RAB3D: variants seen among roughly 807,000 people sequenced by gnomAD.
RAB3D encodes the protein RAB3D, member RAS oncogene family, also known as ras-related protein Rab-3D.
Under a neutral mutation model 19.3 loss-of-function variants are expected in RAB3D, and 17 were observed. The ratio of observed to expected loss-of-function variants is 0.88; its 90% CI spans 0.60 to 1.32. The LOEUF (loss-of-function observed/expected upper bound fraction) is 1.32. RAB3D is among the 40% of genes most tolerant of loss of function. The pLI is 0.00. For synonymous variants in RAB3D, 103 were observed against 119.9 expected, an observed-to-expected ratio of 0.86 and a Z score of 0.92; for missense variants, 223 against 299.1, an observed-to-expected ratio of 0.75 and a Z score of 1.88.
intron 2 of RAB3D, among the ~76,000 whole-genome samples, 179 bp from the exon 3 acceptor site, chr19:11,335,962 T>C (rs1966892255): frequency 6.6e-6 from 1 of 152,180 alleles, no homozygotes; most frequent in Non-Finnish European, 1.5e-5. Context: ...CCCAGTCTGA[T>C]GGGGGAGGCA....
chr19:11,337,246 C>G lies in RAB3D; in HGVS notation c.154G>C (p.Val52Leu). The G allele has an allele frequency of 6.2e-7, 1 of 1,614,074 alleles. No individual in the cohort carries two copies. Among genetic ancestry groups the G allele is most frequent in the Non-Finnish European group, 8.5e-7 (1 of 1,180,022 alleles). Reference sequence around the variant, plus strand: ...TTGAAATCGATGCCCACAGTACTGACGAAGGCGGGAGTGAAGGAGTCGTCC... The same window carrying G: ...TTGAAATCGATGCCCACAGTACTGAGGAAGGCGGGAGTGAAGGAGTCGTCC... ...YADDSFTPAF[V>L]STVGIDFKVK... The change falls in exon 2 of 5, where the codon GTC becomes CTC. Residue 52 changes from valine (V) to leucine (L), a missense_variant. Val to Leu is a conservative substitution (Grantham distance 32, BLOSUM62 1). Transcript: ENST00000222120.
rs145958698 is a variant in RAB3D at position 11,335,467 on chromosome 19, C to T, written c.452G>A (p.Arg151Gln). ...CTAACCAAGGTCGTCGGCGAGCCTCCGGCCATCCTCAGCAGGCACAACACG... is the reference window on the plus strand; with the variant it reads ...CTAACCAAGGTCGTCGGCGAGCCTCTGGCCATCCTCAGCAGGCACAACACG... Reference protein sequence around the residue: ...DERVVPAEDGRRLADDLGFEF... With the variant: ...DERVVPAEDGQRLADDLGFEF... The change falls in exon 4 of 5, where the codon CGG becomes CAG. Residue 151 changes from arginine to glutamine, a missense_variant. Coordinates refer to ENST00000222120, the MANE Select transcript of RAB3D (RefSeq NM_004283.4). 1.0e-4 allele frequency: 168 copies of T among 1,614,164 alleles called. No homozygotes were observed. The highest frequency in any genetic ancestry group is 1.0e-3 in the African/African-American group (77 of 75,038).
Position 11,325,023 on chromosome 19 carries a change from C to A in RAB3D, c.*375G>T. ...CTTGGGAATATCAGTCCTGCCCAACCCAGAAGAGACCTGGAAAATGGTTCT... is the reference window on the plus strand; with the variant it reads ...CTTGGGAATATCAGTCCTGCCCAACACAGAAGAGACCTGGAAAATGGTTCT... On this transcript the variant is annotated 3_prime_UTR_variant, in exon 5 of 5. Transcript: ENST00000222120. 2 of 186,386 alleles carry A rather than the reference C, an allele frequency of 1.1e-5. No individual in the cohort carries two copies. The highest frequency in any genetic ancestry group is 2.3e-5 in the Non-Finnish European group (2 of 87,438). The allele number at this position is 186,386 out of a possible 1,614,324, so 11.5% of individuals were successfully genotyped here.
At chr19:11,329,681 C>T (rs1246168635) in intron 4 of RAB3D, among the ~76,000 whole-genome samples, 1 of 151,710 alleles carries the variant, frequency 6.6e-6, no homozygotes, top group African/African-American at 2.4e-5. Flanking sequence ...GTATGCCAAT[C>T]TTCTTTTTGT....
intron 3 of RAB3D, 31 bp from the exon 4 acceptor site, chr19:11,335,602 CG>C (rs771250514): frequency 7.4e-6 from 12 of 1,613,374 alleles, no homozygotes; most frequent in African/African-American, 1.3e-5. Flanking sequence ...AGCCATGAGC[CG>C]GGGGGGTTAG....
chr19:11,337,524 A>C, intron 1 of RAB3D, 64 bp from the exon 2 acceptor site: 3 of 762,728 alleles, frequency 3.9e-6, no homozygotes, highest in East Asian at 2.6e-5. Flanking sequence ...TTCAAATCTC[A>C]GCTCGGTCAC....
chr19:11,330,314 T>C (rs1332420397), intron 4 of RAB3D, among the ~76,000 whole-genome samples: 2 of 152,228 alleles, frequency 1.3e-5, no homozygotes, highest in African/African-American at 4.8e-5. Context: ...AATTACTCAA[T>C]TTCACGCTTG....
intron 1 of RAB3D, among the ~76,000 whole-genome samples, chr19:11,338,024 T>C (rs1285264524): frequency 2.0e-5 from 3 of 152,162 alleles, no homozygotes; most frequent in Non-Finnish European, 4.4e-5. Context: ...TGCCGGGCCC[T>C]GTTCTCTGTG....
chr19:11,328,725 G>C (rs2080825190), intron 4 of RAB3D, among the ~76,000 whole-genome samples: 1 of 151,888 alleles, frequency 6.6e-6, no homozygotes, highest in Non-Finnish European at 1.5e-5. Flanking sequence ...GCTGAGGTGG[G>C]AGGATGACCT....
At position 11,335,490 on chromosome 19, in the gene RAB3D, A is replaced by G. The variant is rs2080849217; in HGVS notation, c.429T>C (p.Arg143=). ...TCCGGCCATCCTCAGCAGGCACAAC[A>G]CGTTCGTCCTCCAGGTCACACTTGT... is the stretch of plus-strand genomic sequence containing the variant. ...VGNKCDLEDE[R]VVPAEDGRRL... Residue 143 remains arginine, a synonymous_variant, in exon 4 of 5, where the codon CGT becomes CGC. Coordinates refer to ENST00000222120, the MANE Select transcript of RAB3D (RefSeq NM_004283.4). 1 of 1,614,066 alleles carries G rather than the reference A, an allele frequency of 6.2e-7. No homozygotes were observed. The highest frequency in any genetic ancestry group is 1.3e-5 in the African/African-American group (1 of 74,922).
chr19:11,328,333 C>CAAAA (rs71164187), intron 4 of RAB3D, among the ~76,000 whole-genome samples: 20 of 57,806 alleles, frequency 3.5e-4, no homozygotes, highest in South Asian at 2.2e-3. Context: ...GATATTATCT[C>CAAAA]AAAAAAAAAA....
chr19:11,334,477 A>C (rs372679200), intron 4 of RAB3D, among the ~76,000 whole-genome samples: 7 of 151,934 alleles, frequency 4.6e-5, no homozygotes, highest in Admixed American at 1.3e-4. Context: ...TCAAACAAAA[A>C]CAAAAACAAA....
At chr19:11,327,370 G>T (rs567034524) in intron 4 of RAB3D, among the ~76,000 whole-genome samples, 24 of 152,088 alleles carry the variant, frequency 1.6e-4, no homozygotes, top group Admixed American at 1.6e-3. Context: ...TTATCCACGC[G>T]TGGCTTTGCC....
chr19:11,325,115 C>T lies in RAB3D; in HGVS notation c.*283G>A. The T allele has an allele frequency of 2.9e-6, 1 of 342,988 alleles. No homozygotes were observed. The highest frequency in any genetic ancestry group is 5.5e-5 in the East Asian group (1 of 18,020). 21.2% of individuals were successfully genotyped at this position (342,988 alleles called of 1,614,324 possible). A position where few individuals can be genotyped will look rare whatever the true frequency, so the allele number is the denominator to read the frequency against. ...GGGACGTGTCACCCATGGCCACCCT[C>T]AACACACCCTGGAAAGCAGCAAGCT... On this transcript the variant is annotated 3_prime_UTR_variant, in exon 5 of 5. Coordinates refer to ENST00000222120, the MANE Select transcript of RAB3D (RefSeq NM_004283.4).
chr19:11,339,107 C>CA (rs1485965548), intron 1 of RAB3D, among the ~76,000 whole-genome samples: 2 of 152,228 alleles, frequency 1.3e-5, no homozygotes, highest in Non-Finnish European at 2.9e-5. Flanking sequence ...TTTCCCCACG[C>CA]AGGGCAGGGC....
Position 11,325,274 on chromosome 19 carries a change from T to G in RAB3D, c.*124A>C. 3 of 643,890 alleles carry G rather than the reference T, an allele frequency of 4.7e-6. No individual in the cohort carries two copies. Among genetic ancestry groups the G allele is most frequent in the East Asian group, 2.8e-5 (1 of 35,494 alleles). 39.9% of individuals were successfully genotyped at this position (643,890 alleles called of 1,614,324 possible). The stretch of plus-strand genomic sequence containing the variant: ...TGTGAAGGAATGAGCCATGCAGGAG[T>G]CGGGGAGCAGTTGACAGGAGGGAAG... On this transcript the variant is annotated 3_prime_UTR_variant, in exon 5 of 5. Transcript: ENST00000222120.
intron 4 of RAB3D, chr19:11,326,885 C>T (rs1399625719): frequency 5.3e-6 from 3 of 570,870 alleles, no homozygotes; most frequent in Non-Finnish European, 9.4e-6. Flanking sequence ...GCTGGGTTTA[C>T]CAGCGTGAGC....
At chr19:11,339,331 C>T (rs1328899661) in intron 1 of RAB3D, 138 bp downstream of exon 1, 1 of 152,330 alleles carries the variant, frequency 6.6e-6, no homozygotes, top group Non-Finnish European at 1.5e-5. Context: ...CCCAGCTGGG[C>T]TCTCTGCCCC....
chr19:11,338,023 C>T (rs1000143239), intron 1 of RAB3D, among the ~76,000 whole-genome samples: 2 of 152,238 alleles, frequency 1.3e-5, no homozygotes, highest in East Asian at 3.9e-4. Flanking sequence ...CTGCCGGGCC[C>T]TGTTCTCTGT....
Sources: gnomAD v4.1 joint callset for allele counts (sites outside exome capture counted in the v4.1 genomes callset) on GRCh38, gnomAD v4.1.1 for gene constraint, MANE v1.5 for transcripts, NCBI Gene and HGNC (gene_info 2026-07-23, HGNC 2026-07-21) for gene names.